Variants in MTOR observed in about 807,000 individuals in gnomAD.
MTOR encodes the protein serine/threonine-protein kinase mTOR.
In MTOR, 70 loss-of-function variants were observed where a neutral mutation model predicts 319.8. That is an observed-to-expected ratio of 0.22 (90% confidence interval 0.18 to 0.27). The LOEUF (loss-of-function observed/expected upper bound fraction) is 0.27. Among genes scored for constraint, MTOR ranks in the 10% least tolerant of loss-of-function variants. MTOR has a pLI of 1.00. For synonymous variants in MTOR, 1,183 were observed against 1,211.4 expected, an observed-to-expected ratio of 0.98 and a Z score of 0.49; for missense variants, 1,890 against 3,274.4, an observed-to-expected ratio of 0.58 and a Z score of 10.32.
rs559346982 is a variant in MTOR, at chr1:11,196,681, C to G, written c.4253+2577G>C. Among the ~76,000 whole-genome samples, 23 of 151,924 alleles carry G rather than the reference C, an allele frequency of 1.5e-4. No individual in the cohort carries two copies. In the South Asian group the frequency reaches 4.8e-3, roughly 32 times the overall value. On this transcript the variant is annotated intron_variant, in intron 28 of 57. Transcript: ENST00000361445. ...CATCCTGGCCAACATGGTGAAACCC[C>G]TTTCTACTAAAAATACAAAAATTAG...
intron 6 of MTOR, among the ~76,000 whole-genome samples, chr1:11,250,788 A>G (rs1378093356): frequency 6.6e-6 from 1 of 152,174 alleles, no homozygotes; most frequent in South Asian, 2.1e-4. Flanking sequence ...CTTCTCCCGC[A>G]AGCCTGCTGC....
chr1:11,221,551 T>G (rs1475063852), intron 19 of MTOR, among the ~76,000 whole-genome samples: 1 of 151,304 alleles, frequency 6.6e-6, no homozygotes, highest in Non-Finnish European at 1.5e-5. Flanking sequence ...CAGGTTTGAG[T>G]GAAATATACT....
At chr1:11,195,127 A>G in intron 28 of MTOR, 2 of 1,200,522 alleles carry the variant, frequency 1.7e-6, no homozygotes, top group Non-Finnish European at 2.3e-6. Flanking sequence ...AGGACTGAGA[A>G]ACAGCCTATA....
chr1:11,229,360 A>G (rs1646944365), intron 18 of MTOR, among the ~76,000 whole-genome samples: 1 of 152,200 alleles, frequency 6.6e-6, no homozygotes, highest in Non-Finnish European at 1.5e-5. Context: ...TACCTACCTG[A>G]CTTGAACAGT....
In MTOR at chr1:11,258,510, C is replaced by G; in HGVS notation, c.246G>C (p.Glu82Asp). 1 of 1,613,924 alleles carries G rather than the reference C, an allele frequency of 6.2e-7. No homozygotes were observed. Among genetic ancestry groups the G allele is most frequent in the Non-Finnish European group, 8.5e-7 (1 of 1,179,878 alleles). ...FELVSSSDAN[E>D]RKGGILAIAS... is the part of the protein sequence containing the mutation. ...CTATGGCCAAGATGCCACCTTTCCT[C>G]TCATTGGCATCTGAGCTGGAAACCA... The change falls in exon 3 of 58, where the codon GAG (glutamate) becomes GAC (aspartate). Residue 82 changes from glutamate to aspartate, a missense_variant. Glu to Asp is a conservative substitution (Grantham distance 45). This residue lies in a region of MTOR where 85 missense variants were observed against 105.8 expected (regional missense o/e 0.80). Coordinates refer to ENST00000361445, the MANE Select transcript of MTOR (RefSeq NM_004958.4).
At chr1:11,138,281 G>T (rs890440454) in intron 36 of MTOR, among the ~76,000 whole-genome samples, 1 of 152,138 alleles carries the variant, frequency 6.6e-6, no homozygotes, top group African/African-American at 2.4e-5. Context: ...TCTGGCCTGG[G>T]AGGCTCACAG....
intron 30 of MTOR, among the ~76,000 whole-genome samples, chr1:11,154,132 G>C (rs895559682): frequency 7.5e-6 from 1 of 134,090 alleles, no homozygotes; most frequent in Admixed American, 8.0e-5. Context: ...CTACCATATT[G>C]GACAATACAG....
intron 32 of MTOR, among the ~76,000 whole-genome samples, chr1:11,146,095 C>T (rs899080207): frequency 1.3e-5 from 2 of 152,212 alleles, no homozygotes; most frequent in Non-Finnish European, 2.9e-5. Context: ...AAAAACCCCT[C>T]ATGCAGAGCT....
intron 26 of MTOR, among the ~76,000 whole-genome samples, chr1:11,200,631 T>C (rs1645930618): frequency 6.6e-6 from 1 of 152,194 alleles, no homozygotes; most frequent in Non-Finnish European, 1.5e-5. Context: ...CAGGTTAAGT[T>C]AGACCAATGT....
chr1:11,237,863 G>A lies in MTOR; in HGVS notation c.2188C>T (p.Leu730=). 6.2e-7 allele frequency: 1 copy of A among 1,613,996 alleles called. No homozygotes were observed. Among genetic ancestry groups the A allele is most frequent in the Non-Finnish European group, 8.5e-7 (1 of 1,180,044 alleles). The change falls in exon 13 of 58, where the codon CTG becomes TTG. Residue 730 remains leucine (L), a synonymous_variant. Coordinates refer to ENST00000361445, the MANE Select transcript of MTOR (RefSeq NM_004958.4). ...SMNPAFVMPF[L]RKMLIQILTE... ...GTTACCTGGATGAGCATCTTGCGCA[G>A]GAAAGGCATGACAAAGGCAGGGTTC...
chr1:11,238,424 G>A lies in MTOR; in HGVS notation c.1980C>T (p.Leu660=), dbSNP rs749797494. Residue 660 remains leucine, a synonymous_variant, in exon 12 of 58, where the codon CTC becomes CTT. Transcript: ENST00000361445. ...QVVADVLSKL[L]VVGITDPDPD... is the part of the protein sequence containing the mutation. The stretch of plus-strand genomic sequence containing the variant: ...TACCAGGATCTGTTATCCCAACTAC[G>A]AGCAGTTTGCTAAGCACATCTGCCA... The A allele has an allele frequency of 5.0e-6, 8 of 1,613,904 alleles. No individual in the cohort carries two copies. The highest frequency in any genetic ancestry group is 3.3e-5 in the South Asian group (3 of 91,052).
intron 47 of MTOR, among the ~76,000 whole-genome samples, chr1:11,123,045 G>A (rs1642625801): frequency 2.6e-5 from 4 of 152,144 alleles, no homozygotes; most frequent in South Asian, 4.2e-4. Flanking sequence ...GCCAGAATAC[G>A]GACGATGGGA....
chr1:11,243,527 C>G (rs1648374691), intron 8 of MTOR, among the ~76,000 whole-genome samples: 1 of 151,442 alleles, frequency 6.6e-6, no homozygotes, highest in Admixed American at 6.6e-5. Flanking sequence ...CCTGTCTCTA[C>G]AAAAATAAAA....
At chr1:11,113,130 G>C (rs1466426310) in intron 53 of MTOR, among the ~76,000 whole-genome samples, 1 of 152,196 alleles carries the variant, frequency 6.6e-6, no homozygotes, top group Admixed American at 6.5e-5. Flanking sequence ...TTTGGACTTA[G>C]ACAATGTAAT....
In MTOR at chr1:11,119,899, T is replaced by A. The variant is rs142575618; in HGVS notation, c.6933+1347A>T. On this transcript the variant is annotated intron_variant, in intron 49 of 57. Coordinates refer to ENST00000361445, the MANE Select transcript of MTOR (RefSeq NM_004958.4). ...TCATATCTCTAAGTTAGGGCCCCCA[T>A]CGGATCCCAAAATCTGCAATACTCA... Among the ~76,000 whole-genome samples, 1,285 of 151,660 alleles carry A rather than the reference T, an allele frequency of 8.5e-3. 12 individuals carry two copies. Among genetic ancestry groups the A allele is most frequent in the Non-Finnish European group, 0.015 (1,030 of 67,912 alleles).
At position 11,243,355 on chromosome 1, in the gene MTOR, A is replaced by G; in HGVS notation, c.1226-55T>C. ...TCCAGGTCAGGGTTAGGGTCTACAT[A>G]TCAACAGTCAAAGGTCCTATAAAGC... On this transcript the variant is annotated intron_variant, in intron 8 of 57. Transcript: ENST00000361445. The G allele has an allele frequency of 2.0e-6, 3 of 1,519,800 alleles. No homozygotes were observed. The Admixed American group carries it at 5.9e-5, about 30-fold the overall frequency. 94.1% of individuals were successfully genotyped at this position (1,519,800 alleles called of 1,614,324 possible).
chr1:11,194,676 C>T (rs1208942328), intron 28 of MTOR: 1 of 1,613,864 alleles, frequency 6.2e-7, no homozygotes, highest in East Asian at 2.2e-5. Context: ...TTTGGGGGGA[C>T]CGGAAAGGAG....
intron 54 of MTOR, among the ~76,000 whole-genome samples, chr1:11,112,611 T>C (rs1031145861): frequency 1.3e-5 from 2 of 152,224 alleles, no homozygotes; most frequent in Non-Finnish European, 2.9e-5. Flanking sequence ...TTATGCCTCC[T>C]ACTGTCAATA....
chr1:11,184,378 A>G (rs1482381123), intron 28 of MTOR, among the ~76,000 whole-genome samples: 1 of 152,212 alleles, frequency 6.6e-6, no homozygotes, highest in Non-Finnish European at 1.5e-5. Flanking sequence ...CAGGGTATTT[A>G]ATATGAATGC....
Sources: allele counts gnomAD v4.1 joint callset (sites outside exome capture counted in the v4.1 genomes callset), GRCh38; gene constraint gnomAD v4.1.1; regional missense constraint gnomAD v4.1.1; transcripts MANE v1.5; gene names NCBI Gene and HGNC (gene_info 2026-07-23, HGNC 2026-07-21).